The following PHYHIPL variants were observed in gnomAD, a reference collection of about 807,000 sequenced individuals.
The protein encoded by PHYHIPL is phytanoyl-CoA 2-hydroxylase interacting protein like, also known as phytanoyl-CoA hydroxylase-interacting protein-like.
A neutral mutation model predicts 33.4 loss-of-function variants in PHYHIPL; 9 were observed. The observed-to-expected ratio is 0.27, with a 90% CI of 0.16 to 0.47. The LOEUF is 0.47. Ranked by LOEUF, PHYHIPL falls within the 20% of genes least tolerant of loss-of-function variation. PHYHIPL has a pLI of 0.99. For missense variants in PHYHIPL, 365 were observed against 460.7 expected (o/e 0.79, Z 1.90); for synonymous variants, 153 against 154.1 (o/e 0.99, Z 0.05).
At chr10:59,191,244 A>G (rs917482238) in intron 1 of PHYHIPL, among the ~76,000 whole-genome samples, 3 of 152,004 alleles carry the variant, frequency 2.0e-5, no homozygotes, top group East Asian at 1.9e-4. Context: ...AAGATCTTAC[A>G]TAATCTCAGC....
intron 4 of PHYHIPL, among the ~76,000 whole-genome samples, chr10:59,241,959 T>C (rs991768805): frequency 6.6e-5 from 10 of 152,068 alleles, no homozygotes; most frequent in Admixed American, 3.3e-4. Flanking sequence ...TGACTTTGAA[T>C]ACAGAAACCT....
At chr10:59,185,786 T>A (rs1838578509) in intron 1 of PHYHIPL, among the ~76,000 whole-genome samples, 1 of 152,232 alleles carries the variant, frequency 6.6e-6, no homozygotes, top group African/African-American at 2.4e-5. Flanking sequence ...TCTGTTCATA[T>A]CCTTTGCCCA....
chr10:59,245,120 T>C lies in PHYHIPL; in HGVS notation c.660T>C (p.Pro220=). The stretch of plus-strand genomic sequence containing the variant: ...ATAACAGTGGTAGCCATGGCTCTCC[T>C]ATCAGTGGAAAATTAGAAGGCATCT... ...VKDNSGSHGS[P]ISGKLEGIFF... The change falls in exon 5 of 5, where the codon CCT becomes CCC. Residue 220 remains proline (P), a synonymous_variant. Transcript: ENST00000373880. 1 of 1,614,126 alleles carries C rather than the reference T, an allele frequency of 6.2e-7. No individual in the cohort carries two copies. Among genetic ancestry groups the C allele is most frequent in the Non-Finnish European group, 8.5e-7 (1 of 1,180,002 alleles).
At chr10:59,228,960 G>A (rs188149982) in intron 1 of PHYHIPL, among the ~76,000 whole-genome samples, 129 of 152,236 alleles carry the variant, frequency 8.5e-4, no homozygotes, top group African/African-American at 3.0e-3. Flanking sequence ...AAACTGGTGG[G>A]ACTAAGGAGC....
At chr10:59,195,191 T>G (rs1232139099) in intron 1 of PHYHIPL, among the ~76,000 whole-genome samples, 3 of 152,208 alleles carry the variant, frequency 2.0e-5, no homozygotes, top group Non-Finnish European at 4.4e-5. Context: ...TAAAATGACT[T>G]TTATTCTCAC....
intron 1 of PHYHIPL, among the ~76,000 whole-genome samples, chr10:59,233,293 A>G (rs909746523): frequency 6.6e-6 from 1 of 152,026 alleles, no homozygotes; most frequent in East Asian, 1.9e-4. Flanking sequence ...GGAGAAAACA[A>G]TCTAATCTGG....
At chr10:59,236,116 A>G (rs1840223406) in intron 2 of PHYHIPL, among the ~76,000 whole-genome samples, 1 of 152,002 alleles carries the variant, frequency 6.6e-6, no homozygotes, top group African/African-American at 2.4e-5. Context: ...CTGGAATCCA[A>G]GTACATTTAT....
intron 1 of PHYHIPL, among the ~76,000 whole-genome samples, chr10:59,208,533 A>T (rs1217986957): frequency 6.6e-6 from 1 of 152,106 alleles, no homozygotes; most frequent in Non-Finnish European, 1.5e-5. Context: ...AAAGGATCAC[A>T]ACTCCTTGCC....
At chr10:59,243,520 C>CTCT (rs1321792727) in intron 4 of PHYHIPL, among the ~76,000 whole-genome samples, 3 of 152,126 alleles carry the variant, frequency 2.0e-5, no homozygotes, top group Non-Finnish European at 2.9e-5. Flanking sequence ...TTTCCTCATT[C>CTCT]TCTTAACTGT....
intron 1 of PHYHIPL, chr10:59,177,376 G>C: frequency 8.4e-7 from 1 of 1,188,794 alleles, no homozygotes; most frequent in East Asian, 2.6e-5. Context: ...CACACTAGTT[G>C]GCATTCTCTT....
intron 1 of PHYHIPL, among the ~76,000 whole-genome samples, chr10:59,185,620 G>C (rs1838572269): frequency 6.6e-6 from 1 of 152,154 alleles, no homozygotes; most frequent in African/African-American, 2.4e-5. Flanking sequence ...ATCCTCTCCA[G>C]CACCTGTTGT....
chr10:59,245,186 C>T lies in PHYHIPL; in HGVS notation c.726C>T (p.Pro242=). The T allele has an allele frequency of 1.2e-6, 2 of 1,614,060 alleles. No individual in the cohort carries two copies. The highest frequency in any genetic ancestry group is 1.7e-6 in the Non-Finnish European group (2 of 1,180,008). The change falls in exon 5 of 5, where the codon CCC becomes CCT. Residue 242 remains proline, a synonymous_variant. Coordinates refer to ENST00000373880, the MANE Select transcript of PHYHIPL (RefSeq NM_032439.4). ...CSTEFNTGKP[P]QDSPYGRYRF... is the part of the protein sequence containing the mutation. ...CTGAATTCAATACTGGAAAGCCACC[C>T]CAGGATTCACCTTATGGAAGATACA...
intron 1 of PHYHIPL, 118 bp downstream of exon 1, chr10:59,177,077 G>A: frequency 1.2e-6 from 1 of 805,530 alleles, no homozygotes; most frequent in African/African-American, 1.7e-5. Context: ...TCCCCTCTGT[G>A]CAAATAAATG....
upstream of PHYHIPL, among the ~76,000 whole-genome samples, chr10:59,173,661 C>G (rs1291044810): frequency 1.3e-5 from 2 of 152,126 alleles, no homozygotes; most frequent in East Asian, 3.9e-4. Context: ...AGGGCCCTCT[C>G]TGGAATGAGG....
In PHYHIPL at chr10:59,245,623, T is replaced by C. The variant is rs764967911; in HGVS notation, c.*32T>C. On this transcript the variant is annotated 3_prime_UTR_variant, in exon 5 of 5. Transcript: ENST00000373880. ...CTTTTCTTATTCTTACTCAGCCCCT[T>C]TTCCTCCCTTAGGAGCATTGGTCCT... is the stretch of plus-strand genomic sequence containing the variant. The C allele has an allele frequency of 6.5e-7, 1 of 1,548,122 alleles. No individual in the cohort carries two copies. Among genetic ancestry groups the C allele is most frequent in the Non-Finnish European group, 8.7e-7 (1 of 1,150,830 alleles).
At chr10:59,231,748 A>G (rs1452743570) in intron 1 of PHYHIPL, among the ~76,000 whole-genome samples, 5 of 152,098 alleles carry the variant, frequency 3.3e-5, no homozygotes, top group African/African-American at 1.2e-4. Flanking sequence ...ATTTATACCT[A>G]TACCTTTAAT....
intron 1 of PHYHIPL, among the ~76,000 whole-genome samples, chr10:59,214,240 A>G (rs578028087): frequency 3.9e-5 from 6 of 152,164 alleles, no homozygotes; most frequent in Admixed American, 6.6e-5. Flanking sequence ...GAAGATGCTT[A>G]GTTATGACAC....
intron 1 of PHYHIPL, among the ~76,000 whole-genome samples, chr10:59,187,315 G>T (rs545999822): frequency 1.3e-5 from 2 of 152,066 alleles, no homozygotes; most frequent in Non-Finnish European, 2.9e-5. Context: ...GGATGAAGCC[G>T]ACTTGATTAT....
chr10:59,202,649 G>T (rs1341960843), intron 1 of PHYHIPL, among the ~76,000 whole-genome samples: 2 of 152,142 alleles, frequency 1.3e-5, no homozygotes. Flanking sequence ...TAAGGAAACA[G>T]AATGTTAGGC....
Sources: gnomAD v4.1 joint callset for allele counts (sites outside exome capture counted in the v4.1 genomes callset) on GRCh38, gnomAD v4.1.1 for gene constraint, MANE v1.5 for transcripts, NCBI Gene and HGNC (gene_info 2026-07-23, HGNC 2026-07-21) for gene names.